The following ZC3H7B variants were observed in gnomAD, a reference collection of about 807,000 sequenced individuals.
The protein encoded by ZC3H7B is zinc finger CCCH-type containing 7B.
ZC3H7B carries 35 observed loss-of-function variants against 116.0 expected under a neutral mutation model. The observed-to-expected ratio is 0.30, with a 90% CI of 0.23 to 0.40. The LOEUF (loss-of-function observed/expected upper bound fraction) is 0.40, where lower values mean the gene tolerates loss of function less well. Ranked by LOEUF, ZC3H7B falls within the 10% of genes least tolerant of loss-of-function variation. The pLI is 1.00. For synonymous variants in ZC3H7B, 502 were observed against 545.6 expected (o/e 0.92, Z 1.11); for missense variants, 1,011 against 1,321.5 (o/e 0.77, Z 3.64).
At chr22:41,332,386 C>G (rs2036394824) in intron 7 of ZC3H7B, 159 bp downstream of exon 7, 1 of 858,472 alleles carries the variant, frequency 1.2e-6, no homozygotes, top group African/African-American at 1.7e-5. Context: ...TGGGGACAGG[C>G]CATGGCTGCT....
At chr22:41,335,884 G>C (rs770076460) in intron 7 of ZC3H7B, 3 of 153,122 alleles carry the variant, frequency 2.0e-5, no homozygotes, top group Non-Finnish European at 4.4e-5. Context: ...CTCGCAGGGC[G>C]CCTGGACCGA....
At chr22:41,354,189 C>T (rs2036685074) in intron 17 of ZC3H7B, among the ~76,000 whole-genome samples, 1 of 152,164 alleles carries the variant, frequency 6.6e-6, no homozygotes, top group Admixed American at 6.5e-5. Flanking sequence ...GCCACCATAC[C>T]CTCGGTGCCC....
intron 17 of ZC3H7B, among the ~76,000 whole-genome samples, chr22:41,352,676 C>T (rs575291170): frequency 1.3e-5 from 2 of 149,954 alleles, no homozygotes; most frequent in South Asian, 2.1e-4. Flanking sequence ...GCAGGAGAAT[C>T]GTGTGAACCC....
At chr22:41,318,823 A>C (rs890396489) in intron 1 of ZC3H7B, among the ~76,000 whole-genome samples, 1 of 152,132 alleles carries the variant, frequency 6.6e-6, no homozygotes, top group Admixed American at 6.6e-5. Context: ...ACTCTGCTCC[A>C]TCCTCACCAG....
At chr22:41,345,885 G>A in intron 13 of ZC3H7B, 118 bp from the exon 14 acceptor site, 2 of 1,014,152 alleles carry the variant, frequency 2.0e-6, no homozygotes, top group South Asian at 1.4e-5. Flanking sequence ...TGTTGGGGTG[G>A]AGCGAAGCCC....
rs759114006 is a variant in ZC3H7B at position 41,339,147 on chromosome 22, G to A, written c.772G>A (p.Gly258Arg). Residue 258 changes from glycine (G) to arginine (R), a missense_variant, in exon 9 of 23, where the codon GGG (glycine) becomes AGG (arginine). By Grantham distance (125) the Gly-to-Arg change is moderately radical (BLOSUM62 -2). Coordinates refer to ENST00000352645, the MANE Select transcript of ZC3H7B (RefSeq NM_017590.6). ...CGACAGCCTGGATGACTTCTCAGAC[G>A]GGGATGTCTTTGGCCCAGAGCTGGA... ...STDSLDDFSD[G>R]DVFGPELDTL... The A allele has an allele frequency of 8.7e-6, 14 of 1,612,776 alleles. No individual in the cohort carries two copies. The highest frequency in any genetic ancestry group is 5.5e-5 in the South Asian group (5 of 90,626).
chr22:41,341,011 C>T, intron 10 of ZC3H7B, 77 bp from the exon 11 acceptor site: 1 of 1,437,180 alleles, frequency 7.0e-7, no homozygotes, highest in Non-Finnish European at 9.7e-7. Context: ...GTCAGCAATA[C>T]ATAAGGGGAA....
At chr22:41,305,068 C>A (rs959733304) in intron 1 of ZC3H7B, among the ~76,000 whole-genome samples, 1 of 151,988 alleles carries the variant, frequency 6.6e-6, no homozygotes, top group Non-Finnish European at 1.5e-5. Context: ...AAAAATTGGC[C>A]GGCTGCGGTG....
intron 7 of ZC3H7B, among the ~76,000 whole-genome samples, chr22:41,337,594 C>T (rs1344575761): frequency 6.6e-6 from 1 of 152,168 alleles, no homozygotes; most frequent in African/African-American, 2.4e-5. Flanking sequence ...AGAGGAGAGC[C>T]TGGGGACTCA....
At chr22:41,356,097 C>T (rs747416586) in intron 20 of ZC3H7B, 35 bp downstream of exon 20, 8 of 1,522,698 alleles carry the variant, frequency 5.3e-6, no homozygotes, top group East Asian at 2.3e-5. Flanking sequence ...GGCCCTCCCC[C>T]GGTGTCTCTT....
rs560011117 is a variant in ZC3H7B at position 41,355,399 on chromosome 22, G to A, written c.2035-70G>A. On this transcript the variant is annotated intron_variant, in intron 17 of 22. Coordinates refer to ENST00000352645, the MANE Select transcript of ZC3H7B (RefSeq NM_017590.6). ...TCCAAGGCTCTCCCAGAGGACACCTGTGTGGAGACTCCAGGGCCTCAGGCC... is the reference window on the plus strand; with the variant it reads ...TCCAAGGCTCTCCCAGAGGACACCTATGTGGAGACTCCAGGGCCTCAGGCC... The A allele has an allele frequency of 3.1e-6, 5 of 1,587,600 alleles. No individual in the cohort carries two copies. In the South Asian group the frequency reaches 3.5e-5, roughly 11 times the overall value.
intron 11 of ZC3H7B, 59 bp from the exon 12 acceptor site, chr22:41,342,470 G>GCCCC: frequency 6.5e-7 from 1 of 1,542,678 alleles, no homozygotes; most frequent in Non-Finnish European, 8.9e-7. Flanking sequence ...GCCCTGGCTG[G>GCCCC]CCCCAGTGGC....
rs4239894 is a variant in ZC3H7B, at chr22:41,349,544, C to G, written c.1948+243C>G. ...GCTCGGAGATCTGGGTTTTTCCCTTCGTAGGCACCGTCCAGGGAGCACGGA... is the reference window on the plus strand; with the variant it reads ...GCTCGGAGATCTGGGTTTTTCCCTTGGTAGGCACCGTCCAGGGAGCACGGA... On this transcript the variant is annotated intron_variant, in intron 16 of 22. Transcript: ENST00000352645. The surrounding 1 kb of genome is among the most constrained non-coding windows in gnomAD (Gnocchi z 4.9). Among the ~76,000 whole-genome samples, 32,697 of 152,046 alleles carry G rather than the reference C, an allele frequency of 0.22. 4,660 individuals are homozygous for G. The highest frequency in any genetic ancestry group is 0.45 in the Admixed American group (6,903 of 15,256).
At chr22:41,356,169 C>A in intron 20 of ZC3H7B, 107 bp downstream of exon 20, 1 of 1,435,338 alleles carries the variant, frequency 7.0e-7, no homozygotes, top group Non-Finnish European at 9.4e-7. Flanking sequence ...CCTTTGCTAC[C>A]TGGGCCCTTC....
At chr22:41,311,050 C>A (rs9611550) in intron 1 of ZC3H7B, among the ~76,000 whole-genome samples, 38,956 of 151,220 alleles carry the variant, frequency 0.26, 6,519 homozygotes, top group Admixed American at 0.48. Context: ...CAGGTGTGAG[C>A]CACCGCGCCC....
rs1420208645 is a variant in ZC3H7B at position 41,358,152 on chromosome 22, C to G, written c.*723C>G. On this transcript the variant is annotated 3_prime_UTR_variant, in exon 23 of 23. Transcript: ENST00000352645. The stretch of plus-strand genomic sequence containing the variant: ...ATTTTGCAGAGAGGAAAACTGAGGC[C>G]TAGAAGGGAGGAGTGGTCCACCCAC... 6.6e-6 allele frequency: 1 copy of G among 152,386 alleles called. No individual in the cohort carries two copies. Among genetic ancestry groups the G allele is most frequent in the Non-Finnish European group, 1.5e-5 (1 of 68,238 alleles). The allele number at this position is 152,386 out of a possible 1,614,324, so 9.4% of individuals were successfully genotyped here.
At chr22:41,316,785 C>T (rs1440965226) in intron 1 of ZC3H7B, among the ~76,000 whole-genome samples, 1 of 152,072 alleles carries the variant, frequency 6.6e-6, no homozygotes, top group Non-Finnish European at 1.5e-5. Context: ...AGCGATTCTC[C>T]TGCCTTAGCC....
In ZC3H7B at chr22:41,346,579, G is replaced by T. The variant is rs1446782920; in HGVS notation, c.1665+371G>T. On this transcript the variant is annotated intron_variant, in intron 14 of 22. Coordinates refer to ENST00000352645, the MANE Select transcript of ZC3H7B (RefSeq NM_017590.6). This position sits in a 1 kb window ranked among gnomAD's most constrained non-coding sequence, Gnocchi z 5.3. ...GCCTGTAATCCCAGCACTTTGGGAG[G>T]CTGAGGCGGGCAAATCAATTGAGGT... 6.6e-6 allele frequency among the ~76,000 whole-genome samples: 1 copy of T among 152,020 alleles called. No individual in the cohort carries two copies. Among genetic ancestry groups the T allele is most frequent in the Non-Finnish European group, 1.5e-5 (1 of 68,046 alleles).
In ZC3H7B at chr22:41,327,458, G is replaced by A; in HGVS notation, c.444+94G>A. Reference sequence around the variant, plus strand: ...TTGGGCCCAGCCACCACATCCTTCTGTGTCTCACTTCCTCCCCTGTGACAT... The same window carrying A: ...TTGGGCCCAGCCACCACATCCTTCTATGTCTCACTTCCTCCCCTGTGACAT... On this transcript the variant is annotated intron_variant, in intron 5 of 22. Coordinates refer to ENST00000352645, the MANE Select transcript of ZC3H7B (RefSeq NM_017590.6). The surrounding 1 kb of genome is among the most constrained non-coding windows in gnomAD (Gnocchi z 4.5). 1.3e-6 allele frequency: 2 copies of A among 1,497,188 alleles called. No individual in the cohort carries two copies. Among genetic ancestry groups the A allele is most frequent in the South Asian group, 1.2e-5 (1 of 81,506 alleles). The allele number at this position is 1,497,188 out of a possible 1,614,324, so 92.7% of individuals were successfully genotyped here. A position where few individuals can be genotyped will look rare whatever the true frequency, so the allele number is the denominator to read the frequency against.
Sources: allele counts gnomAD v4.1 joint callset (sites outside exome capture counted in the v4.1 genomes callset), GRCh38; gene constraint gnomAD v4.1.1; non-coding constraint Gnocchi (gnomAD v3.1); transcripts MANE v1.5; gene names NCBI Gene and HGNC (gene_info 2026-07-23, HGNC 2026-07-21).